The following SH3RF3 variants were observed in gnomAD, a reference collection of about 807,000 sequenced individuals.
The protein encoded by SH3RF3 is E3 ubiquitin-protein ligase SH3RF3.
A neutral mutation model predicts 66.3 loss-of-function variants in SH3RF3; 29 were observed. That is an observed-to-expected ratio of 0.44 (90% CI 0.33 to 0.60). The LOEUF is 0.60. Ranked by LOEUF, SH3RF3 falls within the 20% of genes least tolerant of loss-of-function variation. The pLI, the probability that SH3RF3 is intolerant of heterozygous loss-of-function variation, is 0.04. For missense variants in SH3RF3, 1,194 were observed against 1,190.9 expected (o/e 1.00, Z -0.04); for synonymous variants, 583 against 532.0 (o/e 1.10, Z -1.32).
intron 1 of SH3RF3, among the ~76,000 whole-genome samples, chr2:109,149,233 C>T (rs1223604718): frequency 6.6e-6 from 1 of 152,120 alleles, no homozygotes; most frequent in Non-Finnish European, 1.5e-5. Context: ...ATTCGGACTT[C>T]TCTAGTCAGA....
intron 1 of SH3RF3, among the ~76,000 whole-genome samples, chr2:109,156,267 C>A (rs17034962): frequency 2.0e-5 from 3 of 152,162 alleles, no homozygotes; most frequent in Non-Finnish European, 4.4e-5. Flanking sequence ...GTCCAACCAC[C>A]AGAGATCGAG....
At chr2:109,335,888 T>C (rs371646174) in intron 1 of SH3RF3, among the ~76,000 whole-genome samples, 4 of 152,276 alleles carry the variant, frequency 2.6e-5, no homozygotes, top group African/African-American at 7.2e-5. Context: ...ATAAAGTGAA[T>C]GTGAAAGATG....
intron 8 of SH3RF3, among the ~76,000 whole-genome samples, chr2:109,459,750 G>C (rs1411150931): frequency 1.3e-5 from 2 of 152,116 alleles, no homozygotes; most frequent in African/African-American, 4.8e-5. Context: ...TTTCCTGGTG[G>C]CAACATTCCT....
intron 9 of SH3RF3, among the ~76,000 whole-genome samples, chr2:109,498,415 G>A (rs1346874974): frequency 1.3e-5 from 2 of 152,174 alleles, no homozygotes; most frequent in Non-Finnish European, 2.9e-5. Context: ...CCCAGGGGCT[G>A]TGCACTCCAT....
intron 3 of SH3RF3, among the ~76,000 whole-genome samples, chr2:109,376,168 C>T (rs1048668128): frequency 1.3e-5 from 2 of 152,250 alleles, no homozygotes; most frequent in African/African-American, 4.8e-5. Flanking sequence ...GATTGAAGAT[C>T]ACTGTGTCAT....
intron 3 of SH3RF3, among the ~76,000 whole-genome samples, chr2:109,391,215 C>T (rs1013800268): frequency 6.6e-6 from 1 of 152,272 alleles, no homozygotes; most frequent in Admixed American, 6.5e-5. Flanking sequence ...TGCAGGTCTG[C>T]ACCTGCGTTT....
intron 8 of SH3RF3, among the ~76,000 whole-genome samples, chr2:109,487,923 C>T (rs137928913): frequency 0.14 from 21,907 of 152,294 alleles, 2,064 homozygotes; most frequent in Admixed American, 0.27. Context: ...GACCCCTGTA[C>T]TTCCAAAGCT....
At chr2:109,325,331 CTTTTTTTTTTTTTTTTTTTTT>C (rs11298946) in intron 1 of SH3RF3, among the ~76,000 whole-genome samples, 1 of 66,256 alleles carries the variant, frequency 1.5e-5, no homozygotes, top group African/African-American at 6.8e-5. Context: ...TTCTTTCTTT[CTTTTTTTTTTTTTTTTTTTTT>C]TTTTTTGGAG....
chr2:109,455,578 A>C (rs1268373036), intron 8 of SH3RF3, among the ~76,000 whole-genome samples: 1 of 152,334 alleles, frequency 6.6e-6, no homozygotes, highest in East Asian at 1.9e-4. Flanking sequence ...TATATTTTTC[A>C]TGAAACCCCA....
At chr2:109,172,133 G>A (rs1677798716) in intron 1 of SH3RF3, among the ~76,000 whole-genome samples, 1 of 152,214 alleles carries the variant, frequency 6.6e-6, no homozygotes, top group Admixed American at 6.5e-5. Flanking sequence ...AGAGCGGGTG[G>A]GGAGCAGGTC....
rs1162671870 is a variant in SH3RF3 at position 109,494,628 on chromosome 2, A to G, written c.2480+3692A>G. 2.0e-5 allele frequency among the ~76,000 whole-genome samples: 3 copies of G among 152,306 alleles called. No individual in the cohort carries two copies. In the South Asian group the frequency reaches 6.2e-4, roughly 32 times the overall value. On this transcript the variant is annotated intron_variant, in intron 9 of 9. Transcript: ENST00000309415. ...TGAGAGTCCCTGCAGTGGGGCCAGA[A>G]CACTCAGCTGCCAAGCACTCCTGGA...
At chr2:109,211,986 A>G (rs956332136) in intron 1 of SH3RF3, among the ~76,000 whole-genome samples, 2 of 152,204 alleles carry the variant, frequency 1.3e-5, no homozygotes, top group African/African-American at 4.8e-5. Flanking sequence ...CCTGAATGTG[A>G]ATGCCACTGA....
intron 2 of SH3RF3, among the ~76,000 whole-genome samples, chr2:109,370,229 C>CTCTGTG: frequency 7.2e-6 from 1 of 139,474 alleles, no homozygotes; most frequent in East Asian, 2.0e-4. Context: ...CTGTCTCTGT[C>CTCTGTG]TCTCTCTCTC....
At chr2:109,492,306 G>A (rs1189075807) in intron 9 of SH3RF3, among the ~76,000 whole-genome samples, 1 of 152,212 alleles carries the variant, frequency 6.6e-6, no homozygotes, top group Non-Finnish European at 1.5e-5. Flanking sequence ...TGCCAGCCCT[G>A]ACAGAGATGA....
chr2:109,471,205 TCA>T (rs1678495134), intron 8 of SH3RF3, among the ~76,000 whole-genome samples: 1 of 58,878 alleles, frequency 1.7e-5, no homozygotes, highest in African/African-American at 1.2e-4. Flanking sequence ...AGACTCTGTC[TCA>T]AAAAAAAAAA....
intron 8 of SH3RF3, among the ~76,000 whole-genome samples, chr2:109,470,073 G>A (rs1240887249): frequency 6.6e-6 from 1 of 152,156 alleles, no homozygotes; most frequent in Non-Finnish European, 1.5e-5. Flanking sequence ...TCTGGTGGTG[G>A]GCAACCACAG....
chr2:109,130,127 T>C lies in SH3RF3; in HGVS notation c.573+14T>C. 1 of 1,287,258 alleles carries C rather than the reference T, an allele frequency of 7.8e-7. No homozygotes were observed. Among genetic ancestry groups the C allele is most frequent in the Non-Finnish European group, 9.8e-7 (1 of 1,019,780 alleles). 79.7% of individuals were successfully genotyped at this position (1,287,258 alleles called of 1,614,324 possible). ...CCGGCGGCAAAGGTGAGTATCTGTC[T>C]CGGCGGAAGTGGCCACGGCACGTGG... On this transcript the variant is annotated intron_variant, in intron 1 of 9. Transcript: ENST00000309415.
rs371727084 is a variant in SH3RF3, at chr2:109,488,725, C to T, written c.2149-1880C>T. Among the ~76,000 whole-genome samples, 5 of 152,346 alleles carry T rather than the reference C, an allele frequency of 3.3e-5. No individual in the cohort carries two copies. In the East Asian group the frequency reaches 5.8e-4, roughly 18 times the overall value. On this transcript the variant is annotated intron_variant, in intron 8 of 9. Coordinates refer to ENST00000309415, the MANE Select transcript of SH3RF3 (RefSeq NM_001099289.3). ...AGAACTAGACTCGGGAAACACCACA[C>T]TTTGAGCTGCCAGCACATGAAGGGC...
At chr2:109,218,402 A>G (rs1679151315) in intron 1 of SH3RF3, among the ~76,000 whole-genome samples, 1 of 152,216 alleles carries the variant, frequency 6.6e-6, no homozygotes, top group South Asian at 2.1e-4. Context: ...TTCTAGAAAC[A>G]GTCTTTGAGT....
Sources: gnomAD v4.1 joint callset for allele counts (sites outside exome capture counted in the v4.1 genomes callset) on GRCh38, gnomAD v4.1.1 for gene constraint, MANE v1.5 for transcripts, NCBI Gene and HGNC (gene_info 2026-07-23, HGNC 2026-07-21) for gene names.